Variants in CNOT6L observed in about 807,000 individuals in gnomAD.
The protein encoded by CNOT6L is CCR4-NOT transcription complex subunit 6 like, also known as CCR4-NOT transcription complex subunit 6-like.
In CNOT6L, 7 loss-of-function variants were observed where a neutral mutation model predicts 64.0. The observed-to-expected ratio is 0.11, with a 90% CI of 0.06 to 0.21. The LOEUF (loss-of-function observed/expected upper bound fraction) is 0.21. Ranked by LOEUF, CNOT6L falls within the 10% of genes least tolerant of loss-of-function variation. The probability of loss-of-function intolerance (pLI) is 1.00; values close to 1 mark genes in which losing one functional copy is unlikely to be tolerated. For synonymous variants in CNOT6L, 193 were observed against 243.4 expected, an observed-to-expected ratio of 0.79 and a Z score of 1.93; for missense variants, 245 against 669.0, an observed-to-expected ratio of 0.37 and a Z score of 6.99.
chr4:77,736,376 G>T (rs1025787489), intron 8 of CNOT6L, among the ~76,000 whole-genome samples: 7 of 152,172 alleles, frequency 4.6e-5, no homozygotes, highest in Admixed American at 1.3e-4. Flanking sequence ...CATTAGTGCT[G>T]ATGGCTGTAA....
In CNOT6L at chr4:77,734,533, C is replaced by T. The variant is rs556269576; in HGVS notation, c.873-2995G>A. Among the ~76,000 whole-genome samples the T allele has an allele frequency of 2.5e-3, 385 of 152,190 alleles. 1 individual carries two copies. Among genetic ancestry groups the T allele is most frequent in the Middle Eastern group, 6.8e-3 (2 of 292 alleles). On this transcript the variant is annotated intron_variant, in intron 8 of 11. Transcript: ENST00000504123. ...GTTACTTACGTATTTTAACTAATGCCGTAATGAACATTGCTACATATATTT... is the reference window on the plus strand; with the variant it reads ...GTTACTTACGTATTTTAACTAATGCTGTAATGAACATTGCTACATATATTT...
chr4:77,728,839 T>C lies in CNOT6L; in HGVS notation c.1252+15A>G, dbSNP rs1371745712. 1 of 1,600,584 alleles carries C rather than the reference T, an allele frequency of 6.2e-7. No homozygotes were observed. Among genetic ancestry groups the C allele is most frequent in the Non-Finnish European group, 8.6e-7 (1 of 1,167,998 alleles). On this transcript the variant is annotated intron_variant, in intron 10 of 11. Transcript: ENST00000504123. ...AGTGAAATTGAAAGCAGTGAGGAAA[T>C]GATATTATAAATACCTGAATCTGGC...
chr4:77,761,207 CCAAA>C (rs550903443), intron 4 of CNOT6L, among the ~76,000 whole-genome samples: 10 of 151,884 alleles, frequency 6.6e-5, no homozygotes, highest in Admixed American at 1.3e-4. Context: ...ACCAAAAAAT[CCAAA>C]CAAACAAACA....
intron 11 of CNOT6L, among the ~76,000 whole-genome samples, chr4:77,720,936 G>A (rs1180122743): frequency 6.6e-6 from 1 of 152,152 alleles, no homozygotes; most frequent in African/African-American, 2.4e-5. Context: ...GGCCTGCTTG[G>A]TTTAGTGAAA....
chr4:77,770,086 T>C (rs926356482), intron 4 of CNOT6L, among the ~76,000 whole-genome samples: 3 of 152,198 alleles, frequency 2.0e-5, no homozygotes, highest in South Asian at 4.1e-4. Flanking sequence ...TCTGTGTCTA[T>C]AGTTTTAAAA....
In CNOT6L at chr4:77,734,825, T is replaced by C. The variant is rs192888577; in HGVS notation, c.873-3287A>G. ...ATTTTTCTAATAGATTAAATATCCC[T>C]GCCAGCTTTTGGACATTTATAAATG... is the stretch of plus-strand genomic sequence containing the variant. On this transcript the variant is annotated intron_variant, in intron 8 of 11. Coordinates refer to ENST00000504123, the MANE Select transcript of CNOT6L (RefSeq NM_144571.3). Among the ~76,000 whole-genome samples, 267 of 152,300 alleles carry C rather than the reference T, an allele frequency of 1.8e-3. 3 individuals are homozygous for C. The highest frequency in any genetic ancestry group is 2.5e-3 in the Non-Finnish European group (169 of 68,026).
At chr4:77,747,169 A>G (rs918581359) in intron 6 of CNOT6L, among the ~76,000 whole-genome samples, 1 of 152,032 alleles carries the variant, frequency 6.6e-6, no homozygotes, top group Non-Finnish European at 1.5e-5. Flanking sequence ...AAAATTAACT[A>G]TCTCTTTTTT....
intron 9 of CNOT6L, among the ~76,000 whole-genome samples, chr4:77,730,088 C>T (rs1052721654): frequency 3.3e-5 from 5 of 151,930 alleles, no homozygotes; most frequent in South Asian, 2.1e-4. Context: ...TCTATAGAAG[C>T]GTCTCAAATT....
At chr4:77,781,456 A>T (rs898924796) in intron 1 of CNOT6L, among the ~76,000 whole-genome samples, 1 of 152,228 alleles carries the variant, frequency 6.6e-6, no homozygotes, top group Non-Finnish European at 1.5e-5. Flanking sequence ...TCTGCTTTGC[A>T]CAGAAAAATT....
intron 1 of CNOT6L, among the ~76,000 whole-genome samples, chr4:77,801,703 G>GGGGGA (rs1731599463): frequency 1.7e-5 from 2 of 115,738 alleles, no homozygotes; most frequent in South Asian, 3.1e-4. Context: ...GGGGGGGGGA[G>GGGGGA]AATGAAACAT....
chr4:77,805,537 G>C (rs1260605743), intron 1 of CNOT6L, among the ~76,000 whole-genome samples: 1 of 152,074 alleles, frequency 6.6e-6, no homozygotes, highest in African/African-American at 2.4e-5. Flanking sequence ...ACTAACAGAA[G>C]TACATTTTCA....
chr4:77,776,231 A>T (rs757597900), intron 2 of CNOT6L, 40 bp downstream of exon 2: 21 of 1,591,548 alleles, frequency 1.3e-5, no homozygotes, highest in Non-Finnish European at 1.8e-5. Context: ...TTGTATTATC[A>T]CTATTACATT....
chr4:77,770,792 C>T (rs1358306495), intron 4 of CNOT6L, among the ~76,000 whole-genome samples: 5 of 152,090 alleles, frequency 3.3e-5, no homozygotes, highest in African/African-American at 7.2e-5. Flanking sequence ...CCACTAGAAT[C>T]GAAGGCCAGC....
intron 5 of CNOT6L, among the ~76,000 whole-genome samples, chr4:77,751,657 A>G (rs141201774): frequency 3.3e-5 from 5 of 152,324 alleles, no homozygotes; most frequent in African/African-American, 9.6e-5. Flanking sequence ...CAGAAATAGC[A>G]TATTACCTAT....
intron 11 of CNOT6L, among the ~76,000 whole-genome samples, chr4:77,722,365 A>G (rs900199944): frequency 4.6e-5 from 7 of 152,148 alleles, no homozygotes; most frequent in African/African-American, 1.7e-4. Context: ...GTTAATTACC[A>G]GCCTGGCCAA....
At chr4:77,794,169 AAAAAAAAG>A (rs1730509853) in intron 1 of CNOT6L, among the ~76,000 whole-genome samples, 2 of 150,406 alleles carry the variant, frequency 1.3e-5, no homozygotes, top group Non-Finnish European at 3.0e-5. Flanking sequence ...AAAAAAAAAA[AAAAAAAAG>A]ATTTTAGAAA....
chr4:77,809,592 G>A (rs1017075879), intron 1 of CNOT6L, among the ~76,000 whole-genome samples: 17 of 152,034 alleles, frequency 1.1e-4, no homozygotes, highest in Non-Finnish European at 2.1e-4. Context: ...TAATTTCTGA[G>A]TTTTGCTTTG....
intron 11 of CNOT6L, among the ~76,000 whole-genome samples, chr4:77,723,305 CTT>C (rs759624431): frequency 1.4e-4 from 22 of 152,272 alleles, no homozygotes; most frequent in African/African-American, 4.1e-4. Flanking sequence ...CTAAATAACT[CTT>C]TTCTACATTT....
chr4:77,814,267 G>T lies in CNOT6L; in HGVS notation c.5+5037C>A, dbSNP rs151289212. 5.2e-3 allele frequency among the ~76,000 whole-genome samples: 791 copies of T among 152,164 alleles called. 7 individuals carry two copies. Among genetic ancestry groups the T allele is most frequent in the African/African-American group, 0.018 (744 of 41,510 alleles). On this transcript the variant is annotated intron_variant, in intron 1 of 11. Coordinates refer to ENST00000504123, the MANE Select transcript of CNOT6L (RefSeq NM_144571.3). ...GAAAGATACAGGATTTATATTTTAG[G>T]TAATGAAAATGTTCTAAAATTAACT...
Sources: allele counts gnomAD v4.1 joint callset (sites outside exome capture counted in the v4.1 genomes callset), GRCh38; gene constraint gnomAD v4.1.1; transcripts MANE v1.5; gene names NCBI Gene and HGNC (gene_info 2026-07-23, HGNC 2026-07-21).